Variants in NOSIP observed in about 807,000 individuals in gnomAD.
NOSIP encodes the protein nitric oxide synthase interacting protein, also known as nitric oxide synthase-interacting protein.
A neutral mutation model predicts 36.4 loss-of-function variants in NOSIP; 25 were observed. That is an observed-to-expected ratio of 0.69 (90% confidence interval 0.50 to 0.96). NOSIP has a LOEUF of 0.96. NOSIP is among the 40% of genes least tolerant of loss of function. The pLI is 0.00. For missense variants in NOSIP, 370 were observed against 429.0 expected (o/e 0.86, Z 1.21); for synonymous variants, 187 against 179.2 (o/e 1.04, Z -0.35).
chr19:49,578,554 A>G (rs2080582524), intron 1 of NOSIP, among the ~76,000 whole-genome samples: 1 of 152,050 alleles, frequency 6.6e-6, no homozygotes, highest in Admixed American at 6.6e-5. Context: ...TAATCTAAGC[A>G]CAGCACTTTG....
intron 8 of NOSIP, 144 bp downstream of exon 8, chr19:49,556,173 G>GGA: frequency 7.3e-6 from 3 of 409,344 alleles, no homozygotes; most frequent in South Asian, 6.9e-5. Context: ...GAGAAAGCGG[G>GGA]GGGGGGGGGC....
At chr19:49,566,055 T>C (rs979259767) in intron 1 of NOSIP, among the ~76,000 whole-genome samples, 12 of 151,794 alleles carry the variant, frequency 7.9e-5, no homozygotes, top group African/African-American at 2.7e-4. Context: ...AGTCTCGCTC[T>C]GTCGTCCAGG....
Position 49,557,193 on chromosome 19 carries a change from C to T in NOSIP, c.315G>A (p.Ala105=), listed in dbSNP as rs775851227. The change falls in exon 5 of 9, where the codon GCG becomes GCA. Residue 105 remains alanine, a synonymous_variant. Coordinates refer to ENST00000596358, the MANE Select transcript of NOSIP (RefSeq NM_001270960.2). ...RREEQKELQR[A]ASQDHVRGFL... ...AGCCCCGCACATGGTCCTGCGAGGC[C>T]GCCCGCTGAAGCTCCTTCTGCTCCT... 4 of 1,606,182 alleles carry T rather than the reference C, an allele frequency of 2.5e-6. No individual in the cohort carries two copies. Among genetic ancestry groups the T allele is most frequent in the African/African-American group, 1.3e-5 (1 of 74,862 alleles).
chr19:49,576,663 T>C (rs1258839303), intron 1 of NOSIP, among the ~76,000 whole-genome samples: 1 of 151,412 alleles, frequency 6.6e-6, no homozygotes, highest in Non-Finnish European at 1.5e-5. Flanking sequence ...GGTGGGCGGA[T>C]CACCTGAGGT....
intron 1 of NOSIP, among the ~76,000 whole-genome samples, chr19:49,564,151 G>A (rs952229409): frequency 6.6e-6 from 1 of 151,992 alleles, no homozygotes; most frequent in Non-Finnish European, 1.5e-5. Flanking sequence ...CCAGGGAAAC[G>A]CACATTAAAA....
intron 3 of NOSIP, 195 bp from the exon 4 acceptor site, chr19:49,559,173 G>A (rs2122790893): frequency 3.4e-6 from 2 of 594,010 alleles, no homozygotes; most frequent in Admixed American, 2.9e-5. Flanking sequence ...ATTAAAATCA[G>A]CAAAGGAAAA....
At chr19:49,578,731 C>G (rs555667236) in intron 1 of NOSIP, among the ~76,000 whole-genome samples, 3 of 151,706 alleles carry the variant, frequency 2.0e-5, no homozygotes, top group East Asian at 3.9e-4. Flanking sequence ...ACTGCAAGCT[C>G]TGCCTCCCGG....
At chr19:49,573,264 C>T (rs1371517099) in intron 1 of NOSIP, among the ~76,000 whole-genome samples, 1 of 152,164 alleles carries the variant, frequency 6.6e-6, no homozygotes, top group Non-Finnish European at 1.5e-5. Context: ...GTGGATCAGA[C>T]AGCTAGTGTG....
rs1437370042 is a variant in NOSIP at position 49,574,712 on chromosome 19, T to C, written c.-2+5803A>G. ...CTTCAGTGGCAGAGAGAAAGCTCTC[T>C]GGTGTCTCCTTCTGTTTTTTGGGAG... On this transcript the variant is annotated intron_variant, in intron 1 of 8. Transcript: ENST00000596358. Among the ~76,000 whole-genome samples, 3 of 152,154 alleles carry C rather than the reference T, an allele frequency of 2.0e-5. No homozygotes were observed. The East Asian group carries it at 5.8e-4, about 29-fold the overall frequency.
chr19:49,555,938 G>A (rs1254346416), intron 8 of NOSIP, 116 bp from the exon 9 acceptor site: 5 of 733,570 alleles, frequency 6.8e-6, no homozygotes, highest in African/African-American at 5.2e-5. Context: ...GCTGGCTAAG[G>A]AGTAGGAGTT....
chr19:49,559,966 G>A lies in NOSIP; in HGVS notation c.144C>T (p.Leu48=), dbSNP rs1356121015. Residue 48 remains leucine (L), a synonymous_variant, in exon 3 of 9, where the codon CTC becomes CTT. Coordinates refer to ENST00000596358, the MANE Select transcript of NOSIP (RefSeq NM_001270960.2). ...DAVKDFDCCC[L]SLQPCHDPVV... ...CAGGATCGTGGCAAGGCTGCAGGGA[G>A]AGACAACAGCAGTCGAAGTCCTTCA... 1.9e-6 allele frequency: 3 copies of A among 1,613,692 alleles called. No individual in the cohort carries two copies. The highest frequency in any genetic ancestry group is 1.6e-4 in the Middle Eastern group (1 of 6,084).
chr19:49,557,655 A>G (rs982109936), intron 4 of NOSIP: 31 of 1,032,800 alleles, frequency 3.0e-5, no homozygotes, highest in East Asian at 8.5e-5. Flanking sequence ...TTTTCTATAC[A>G]GTGCATGCCC....
In NOSIP at chr19:49,556,627, G is replaced by T. The variant is rs752451382; in HGVS notation, c.647C>A (p.Thr216Asn). Residue 216 changes from threonine to asparagine, a missense_variant, in exon 7 of 9, where the codon ACC (threonine) becomes AAC (asparagine). By Grantham distance (65) the Thr-to-Asn change is moderately conservative. Around this residue, in one of 3 missense-constraint regions of NOSIP, gnomAD observed 315 missense variants for 331.9 expected, o/e 0.95. Coordinates refer to ENST00000596358, the MANE Select transcript of NOSIP (RefSeq NM_001270960.2). Reference protein sequence around the residue: ...DSSVDRVGLITRSERYVCAVT... With the variant: ...DSSVDRVGLINRSERYVCAVT... The stretch of plus-strand genomic sequence containing the variant: ...GGCACACACGTAGCGCTCGCTGCGG[G>T]TGATGAGCCCCACGCGGTCCACGGA... 2 of 1,609,310 alleles carry T rather than the reference G, an allele frequency of 1.2e-6. No individual in the cohort carries two copies. Among genetic ancestry groups the T allele is most frequent in the Non-Finnish European group, 1.7e-6 (2 of 1,179,778 alleles).
At chr19:49,557,518 G>T in intron 4 of NOSIP, 1 of 1,289,906 alleles carries the variant, frequency 7.8e-7, no homozygotes, top group Non-Finnish European at 1.0e-6. Flanking sequence ...CTGTAAAACA[G>T]CCTAACAGTG....
At chr19:49,568,526 TG>T (rs1209044379) in intron 1 of NOSIP, among the ~76,000 whole-genome samples, 3 of 152,196 alleles carry the variant, frequency 2.0e-5, no homozygotes, top group African/African-American at 7.2e-5. Context: ...ATGCTCAAAT[TG>T]TTCCCTGATA....
At chr19:49,557,372 A>G in intron 4 of NOSIP, 123 bp from the exon 5 acceptor site, 5 of 1,450,634 alleles carry the variant, frequency 3.4e-6, no homozygotes, top group Non-Finnish European at 3.6e-6. Context: ...TATGTGGCAG[A>G]GGGTGGTAAC....
At chr19:49,570,406 T>C (rs1374758371) in intron 1 of NOSIP, among the ~76,000 whole-genome samples, 1 of 152,150 alleles carries the variant, frequency 6.6e-6, no homozygotes, top group African/African-American at 2.4e-5. Flanking sequence ...AGCCACTCTT[T>C]GGGTTTTAGG....
At chr19:49,573,834 C>T (rs2080517131) in intron 1 of NOSIP, among the ~76,000 whole-genome samples, 1 of 150,646 alleles carries the variant, frequency 6.6e-6, no homozygotes, top group African/African-American at 2.4e-5. Flanking sequence ...TGGAGACAGT[C>T]TCACTGTCAC....
chr19:49,569,179 C>G, intron 1 of NOSIP, among the ~76,000 whole-genome samples: 1 of 148,566 alleles, frequency 6.7e-6, no homozygotes, highest in African/African-American at 2.5e-5. Context: ...CACAGGAAAT[C>G]TACTGTGCAT....
Sources: gnomAD v4.1 joint callset for allele counts (sites outside exome capture counted in the v4.1 genomes callset) on GRCh38, gnomAD v4.1.1 for gene constraint, gnomAD v4.1.1 regional missense constraint, MANE v1.5 for transcripts, NCBI Gene and HGNC (gene_info 2026-07-23, HGNC 2026-07-21) for gene names.